The following TRPC7 variants were observed in gnomAD, a reference collection of about 807,000 sequenced individuals.
TRPC7 encodes short transient receptor potential channel 7.
TRPC7 carries 42 observed loss-of-function variants against 90.1 expected under a neutral mutation model. The observed-to-expected ratio is 0.47, with a 90% CI of 0.36 to 0.60. TRPC7 has a LOEUF of 0.60. Ranked by LOEUF, TRPC7 falls within the 20% of genes least tolerant of loss-of-function variation. The pLI, the probability that TRPC7 is intolerant of heterozygous loss-of-function variation, is 0.00. For missense variants in TRPC7, 955 were observed against 1,112.3 expected, an observed-to-expected ratio of 0.86 and a Z score of 2.01; for synonymous variants, 451 against 436.3, an observed-to-expected ratio of 1.03 and a Z score of -0.42.
Position 136,226,100 on chromosome 5 carries a change from G to C in TRPC7, c.2196C>G (p.Leu732=). The change falls in exon 9 of 12, where the codon CTC becomes CTG. Residue 732 remains leucine (L), a synonymous_variant. Transcript: ENST00000513104. Reference sequence around the variant, plus strand: ...CACAGCTTTTGGCCTTAGATTTGCAGAGTTTTATGAGGCACATCTTGATTC... The same window carrying C: ...CACAGCTTTTGGCCTTAGATTTGCACAGTTTTATGAGGCACATCTTGATTC... ...IMRIKMCLIK[L]CKSKAKSCEN... is the part of the protein sequence containing the mutation. 1 of 1,603,576 alleles carries C rather than the reference G, an allele frequency of 6.2e-7. No individual in the cohort carries two copies. Among genetic ancestry groups the C allele is most frequent in the Non-Finnish European group, 8.5e-7 (1 of 1,174,464 alleles).
Position 136,315,245 on chromosome 5 carries a change from G to A in TRPC7, c.963+352C>T, listed in dbSNP as rs114015239. Among the ~76,000 whole-genome samples, 402 of 152,270 alleles carry A rather than the reference G, an allele frequency of 2.6e-3. 2 individuals carry two copies. The highest frequency in any genetic ancestry group is 9.1e-3 in the African/African-American group (380 of 41,548). On this transcript the variant is annotated intron_variant, in intron 3 of 11. Transcript: ENST00000513104. ...GAAAGATCTGAGTTTTATGTTTCTCGAGAAGACTTGGGAACTGTGTTGCTA... is the reference window on the plus strand; with the variant it reads ...GAAAGATCTGAGTTTTATGTTTCTCAAGAAGACTTGGGAACTGTGTTGCTA...
chr5:136,338,455 G>C (rs1759736688), intron 2 of TRPC7, among the ~76,000 whole-genome samples: 2 of 152,162 alleles, frequency 1.3e-5, no homozygotes, highest in African/African-American at 2.4e-5. Context: ...AAAAAGTATA[G>C]ATGGTACCAC....
In TRPC7 at chr5:136,247,500, T is replaced by G. The variant is rs371662045; in HGVS notation, c.1815A>C (p.Arg605=). ...IGMFNLYSYY[R]GAKYNPAFTT... ...TAAACGCTGGGTTGTATTTGGCACC[T>G]CGGTAGTAAGAGTACAGGTTGAACA... Residue 605 remains arginine, a synonymous_variant, in exon 7 of 12, where the codon CGA becomes CGC. Coordinates refer to ENST00000513104, the MANE Select transcript of TRPC7 (RefSeq NM_020389.3). The surrounding 1 kb of genome is among the most constrained non-coding windows in gnomAD (Gnocchi z 4.2). 53 of 1,613,764 alleles carry G rather than the reference T, an allele frequency of 3.3e-5. No homozygotes were observed. The African/African-American group carries it at 6.9e-4, about 21-fold the overall frequency.
intron 3 of TRPC7, among the ~76,000 whole-genome samples, chr5:136,283,666 G>T (rs950997967): frequency 6.6e-6 from 1 of 152,104 alleles, no homozygotes; most frequent in Non-Finnish European, 1.5e-5. Flanking sequence ...AGGTGAAAAG[G>T]GTCTGAGGAC....
At chr5:136,289,866 G>A (rs987035543) in intron 3 of TRPC7, among the ~76,000 whole-genome samples, 3 of 152,226 alleles carry the variant, frequency 2.0e-5, no homozygotes, top group Non-Finnish European at 4.4e-5. Context: ...CCTAACCCCC[G>A]AGTAGCCTAA....
intron 2 of TRPC7, among the ~76,000 whole-genome samples, chr5:136,346,435 C>T (rs1442482295): frequency 1.3e-5 from 2 of 152,138 alleles, no homozygotes; most frequent in Non-Finnish European, 2.9e-5. Context: ...AGTTTCCTCT[C>T]TCGGCTGCCC....
intron 4 of TRPC7, among the ~76,000 whole-genome samples, chr5:136,271,162 A>G (rs1302973190): frequency 6.6e-6 from 1 of 152,200 alleles, no homozygotes; most frequent in Non-Finnish European, 1.5e-5. Context: ...TACCAACTTT[A>G]TATTTCTCCG....
intron 2 of TRPC7, among the ~76,000 whole-genome samples, chr5:136,321,751 C>T (rs576213318): frequency 3.9e-5 from 6 of 152,154 alleles, no homozygotes; most frequent in African/African-American, 9.7e-5. Flanking sequence ...CTTTCTTGCA[C>T]TCCAGATAAA....
chr5:136,300,482 C>A (rs1758339569), intron 3 of TRPC7, among the ~76,000 whole-genome samples: 1 of 152,232 alleles, frequency 6.6e-6, no homozygotes, highest in East Asian at 1.9e-4. Flanking sequence ...TGCTTCATCT[C>A]TAATACAACC....
chr5:136,356,546 T>A, intron 2 of TRPC7, 62 bp downstream of exon 2: 1 of 1,443,486 alleles, frequency 6.9e-7, no homozygotes, highest in Non-Finnish European at 9.2e-7. Context: ...CATTTCACAC[T>A]GGACACACGT....
intron 2 of TRPC7, among the ~76,000 whole-genome samples, chr5:136,323,026 A>AG (rs1759243370): frequency 6.6e-6 from 1 of 152,156 alleles, no homozygotes. Flanking sequence ...TCTCATCTTG[A>AG]CTTGTAGCTC....
At chr5:136,232,044 T>G (rs1755833619) in intron 7 of TRPC7, among the ~76,000 whole-genome samples, 1 of 152,232 alleles carries the variant, frequency 6.6e-6, no homozygotes, top group Admixed American at 6.5e-5. Flanking sequence ...TAAGAAGACT[T>G]TGAAAGAATA....
At chr5:136,298,513 C>T (rs992009792) in intron 3 of TRPC7, among the ~76,000 whole-genome samples, 4 of 152,186 alleles carry the variant, frequency 2.6e-5, no homozygotes, top group African/African-American at 4.8e-5. Flanking sequence ...CCACCTCCAG[C>T]TACTAGGGAC....
intron 5 of TRPC7, among the ~76,000 whole-genome samples, chr5:136,264,765 G>A (rs949013713): frequency 6.6e-6 from 1 of 152,014 alleles, no homozygotes; most frequent in Non-Finnish European, 1.5e-5. Flanking sequence ...GCTAAATTTT[G>A]TATTTTTAGT....
intron 5 of TRPC7, among the ~76,000 whole-genome samples, chr5:136,255,672 A>T (rs889578004): frequency 7.9e-5 from 12 of 152,228 alleles, no homozygotes; most frequent in African/African-American, 2.9e-4. Context: ...ATTAAAATGT[A>T]ACTATTCAGT....
At chr5:136,354,064 T>A (rs889206859) in intron 2 of TRPC7, among the ~76,000 whole-genome samples, 3 of 152,230 alleles carry the variant, frequency 2.0e-5, no homozygotes, top group African/African-American at 4.8e-5. Flanking sequence ...CCAGATAATC[T>A]GATCCAAAAA....
In TRPC7 at chr5:136,274,802, A is replaced by G. The variant is rs1272057587; in HGVS notation, c.999T>C (p.Leu333=). ...CTGAGAGATTTTCATACCACATGGT[A>G]AGCAATTGCTGCTGACAGTTAGGAT... is the stretch of plus-strand genomic sequence containing the variant. The part of the protein sequence containing the change: ...VAHPNCQQQL[L]TMWYENLSGL... Residue 333 remains leucine, a synonymous_variant, in exon 4 of 12, where the codon CTT becomes CTC. Transcript: ENST00000513104. 8 of 1,585,548 alleles carry G rather than the reference A, an allele frequency of 5.0e-6. No homozygotes were observed. The highest frequency in any genetic ancestry group is 6.9e-6 in the Non-Finnish European group (8 of 1,165,444).
intron 5 of TRPC7, among the ~76,000 whole-genome samples, chr5:136,265,774 GATGT>G (rs1029073958): frequency 4.6e-5 from 7 of 152,042 alleles, no homozygotes; most frequent in Admixed American, 1.3e-4. Context: ...TGAATTTTTA[GATGT>G]ATATTTATTA....
Position 136,251,671 on chromosome 5 carries a change from C to T in TRPC7, c.1557G>A (p.Pro519=), listed in dbSNP as rs780376385. 2.9e-5 allele frequency: 47 copies of T among 1,609,008 alleles called. 1 individual carries two copies. The South Asian group carries it at 3.1e-4, about 11-fold the overall frequency. The change falls in exon 6 of 12, where the codon CCG becomes CCA. Residue 519 remains proline, a synonymous_variant. Transcript: ENST00000513104. ...DDTLHNVSLP[P]EVAYFTYARD... ...CACCGTAGGTGAAGTATGCCACTTC[C>T]GGCGGAAGCGAGACATTGTGCAGCG...
Sources: gnomAD v4.1 joint callset for allele counts (sites outside exome capture counted in the v4.1 genomes callset) on GRCh38, gnomAD v4.1.1 for gene constraint, Gnocchi (gnomAD v3.1) non-coding constraint, MANE v1.5 for transcripts, NCBI Gene and HGNC (gene_info 2026-07-23, HGNC 2026-07-21) for gene names.